Variants in MYO1D observed in about 807,000 individuals in gnomAD.
The protein encoded by MYO1D is myosin ID.
Under a neutral mutation model 122.0 loss-of-function variants are expected in MYO1D, and 83 were observed. The ratio of observed to expected loss-of-function variants is 0.68; its 90% confidence interval spans 0.57 to 0.82. The LOEUF (loss-of-function observed/expected upper bound fraction) is 0.82. Ranked by LOEUF, MYO1D falls within the 40% of genes least tolerant of loss-of-function variation. The pLI, the probability that MYO1D is intolerant of heterozygous loss-of-function variation, is 0.00. For synonymous variants in MYO1D, 464 were observed against 446.9 expected, an observed-to-expected ratio of 1.04 and a Z score of -0.48; for missense variants, 1,157 against 1,269.5, an observed-to-expected ratio of 0.91 and a Z score of 1.35.
chr17:32,717,850 C>A (rs1374878318), intron 15 of MYO1D, among the ~76,000 whole-genome samples: 5 of 152,120 alleles, frequency 3.3e-5, no homozygotes, highest in Non-Finnish European at 7.3e-5. Flanking sequence ...TTATGCTTGA[C>A]AATCAGTGTA....
chr17:32,726,511 G>A lies in MYO1D; in HGVS notation c.1747-5322C>T, dbSNP rs561864723. ...ATGATATATTTTAAAAAAATAGGAA[G>A]AGAAAAAAGATAAACAAGTGAATAA... On this transcript the variant is annotated intron_variant, in intron 14 of 21. Coordinates refer to ENST00000318217, the MANE Select transcript of MYO1D (RefSeq NM_015194.3). Among the ~76,000 whole-genome samples, 23 of 149,984 alleles carry A rather than the reference G, an allele frequency of 1.5e-4. No individual in the cohort carries two copies. In the East Asian group the frequency reaches 3.1e-3, roughly 20 times the overall value.
At chr17:32,597,487 T>G (rs930844175) in intron 21 of MYO1D, among the ~76,000 whole-genome samples, 4 of 109,344 alleles carry the variant, frequency 3.7e-5, no homozygotes, top group African/African-American at 7.3e-5. Context: ...TCACCATTTT[T>G]GTAAAAAAAA....
intron 21 of MYO1D, among the ~76,000 whole-genome samples, chr17:32,577,594 C>T (rs1567896078): frequency 6.6e-6 from 1 of 151,294 alleles, no homozygotes; most frequent in Admixed American, 6.6e-5. Context: ...TAACTAACAG[C>T]AATACTGAGC....
chr17:32,649,785 T>A (rs2088361928), intron 19 of MYO1D, among the ~76,000 whole-genome samples: 1 of 152,138 alleles, frequency 6.6e-6, no homozygotes, highest in Admixed American at 6.6e-5. Context: ...TTGGCCAGGC[T>A]GGTCTCAAAC....
intron 21 of MYO1D, among the ~76,000 whole-genome samples, chr17:32,597,828 C>T (rs892539128): frequency 1.5e-4 from 21 of 143,302 alleles, no homozygotes; most frequent in Non-Finnish European, 2.2e-4. Flanking sequence ...AAGATTGTGC[C>T]ACTGCACTCC....
At chr17:32,632,151 A>G (rs2088016248) in intron 20 of MYO1D, among the ~76,000 whole-genome samples, 1 of 152,230 alleles carries the variant, frequency 6.6e-6, no homozygotes, top group South Asian at 2.1e-4. Flanking sequence ...AAAGTCTAGA[A>G]TAACACATAA....
At chr17:32,611,200 A>G (rs2087696819) in intron 20 of MYO1D, among the ~76,000 whole-genome samples, 1 of 152,252 alleles carries the variant, frequency 6.6e-6, no homozygotes, top group Non-Finnish European at 1.5e-5. Flanking sequence ...AGCTCACTAT[A>G]CAAGAAAATC....
At chr17:32,637,208 AT>A (rs1230341606) in intron 20 of MYO1D, among the ~76,000 whole-genome samples, 1 of 152,216 alleles carries the variant, frequency 6.6e-6, no homozygotes, top group African/African-American at 2.4e-5. Context: ...AACAAAACAC[AT>A]ACCACAATTA....
intron 16 of MYO1D, among the ~76,000 whole-genome samples, chr17:32,708,329 T>C (rs1377863787): frequency 6.6e-6 from 1 of 152,226 alleles, no homozygotes; most frequent in Non-Finnish European, 1.5e-5. Flanking sequence ...TTAATGATGT[T>C]ACTTCTGGAT....
chr17:32,643,192 T>A (rs1365154715), intron 19 of MYO1D, among the ~76,000 whole-genome samples: 1 of 148,510 alleles, frequency 6.7e-6, no homozygotes, highest in Non-Finnish European at 1.5e-5. Context: ...ATGTGTTTTT[T>A]ATCTTTGGTT....
intron 21 of MYO1D, among the ~76,000 whole-genome samples, chr17:32,575,255 CT>C (rs1472372700): frequency 6.6e-6 from 1 of 152,330 alleles, no homozygotes; most frequent in East Asian, 1.9e-4. Context: ...GTTCTTCCTA[CT>C]TTCTGTAGCT....
Position 32,494,473 on chromosome 17 carries a change from G to C in MYO1D, c.*286C>G, listed in dbSNP as rs570018471. On this transcript the variant is annotated 3_prime_UTR_variant, in exon 22 of 22. Transcript: ENST00000318217. ...CCACGGGGCATCCGCACCAACTAAA[G>C]GCACCATCCAGTTGCCTCTGGGGTG... The C allele has an allele frequency of 2.4e-6, 1 of 419,948 alleles. No individual in the cohort carries two copies. Among genetic ancestry groups the C allele is most frequent in the Non-Finnish European group, 4.3e-6 (1 of 232,136 alleles). 26.0% of individuals were successfully genotyped at this position (419,948 alleles called of 1,614,324 possible).
At chr17:32,647,570 T>G (rs1410537700) in intron 19 of MYO1D, among the ~76,000 whole-genome samples, 1 of 152,196 alleles carries the variant, frequency 6.6e-6, no homozygotes, top group Non-Finnish European at 1.5e-5. Flanking sequence ...ACTGCTCTGA[T>G]TATTAATTTG....
chr17:32,606,498 C>T (rs1158457707), intron 20 of MYO1D, among the ~76,000 whole-genome samples: 2 of 152,146 alleles, frequency 1.3e-5, no homozygotes, highest in Non-Finnish European at 2.9e-5. Flanking sequence ...GATAATACAA[C>T]ATGACCAAGT....
chr17:32,591,319 T>C (rs1310642415), intron 21 of MYO1D, among the ~76,000 whole-genome samples: 1 of 152,256 alleles, frequency 6.6e-6, no homozygotes, highest in Non-Finnish European at 1.5e-5. Context: ...TGAGTGCATG[T>C]AAATAGGTTA....
intron 1 of MYO1D, among the ~76,000 whole-genome samples, chr17:32,839,299 T>TGAATAAAG (rs1173262501): frequency 6.6e-6 from 1 of 152,146 alleles, no homozygotes; most frequent in Non-Finnish European, 1.5e-5. Context: ...ACCTTATTTT[T>TGAATAAAG]CCAAGAGCCA....
intron 17 of MYO1D, 60 bp from the exon 18 acceptor site, chr17:32,654,681 TCTC>T: frequency 7.0e-7 from 1 of 1,424,334 alleles, no homozygotes; most frequent in Non-Finnish European, 9.3e-7. Context: ...GCATTCTCTC[TCTC>T]TTTTTTTTTT....
At chr17:32,869,446 C>T (rs569295441) in intron 1 of MYO1D, among the ~76,000 whole-genome samples, 3 of 152,222 alleles carry the variant, frequency 2.0e-5, no homozygotes, top group South Asian at 2.1e-4. Context: ...ATCTACCCAG[C>T]GGAGCTGGAG....
intron 21 of MYO1D, among the ~76,000 whole-genome samples, chr17:32,503,932 C>T (rs536300459): frequency 1.5e-4 from 23 of 152,250 alleles, no homozygotes; most frequent in East Asian, 3.9e-4. Flanking sequence ...ATGTCAGGGT[C>T]GAATGGACAC....
Sources: allele counts gnomAD v4.1 joint callset (sites outside exome capture counted in the v4.1 genomes callset), GRCh38; gene constraint gnomAD v4.1.1; transcripts MANE v1.5; gene names NCBI Gene and HGNC (gene_info 2026-07-23, HGNC 2026-07-21).